The following ZC3H4 variants were observed in gnomAD, a reference collection of about 807,000 sequenced individuals.
ZC3H4 encodes zinc finger CCCH-type containing 4.
A neutral mutation model predicts 108.3 loss-of-function variants in ZC3H4; 13 were observed. That is an observed-to-expected ratio of 0.12 (90% CI 0.08 to 0.19). The LOEUF (loss-of-function observed/expected upper bound fraction) is 0.19, where lower values mean the gene tolerates loss of function less well. ZC3H4 is among the 10% of genes least tolerant of loss of function. The pLI, the probability that ZC3H4 is intolerant of heterozygous loss-of-function variation, is 1.00. For synonymous variants in ZC3H4, 917 were observed against 749.6 expected, an observed-to-expected ratio of 1.22 and a Z score of -3.65; for missense variants, 1,734 against 1,838.8, an observed-to-expected ratio of 0.94 and a Z score of 1.04.
intron 2 of ZC3H4, among the ~76,000 whole-genome samples, chr19:47,110,343 T>C (rs1319022899): frequency 6.6e-6 from 1 of 152,108 alleles, no homozygotes; most frequent in Non-Finnish European, 1.5e-5. Context: ...AAGCAATGGA[T>C]TGAAATGGAA....
Position 47,069,253 on chromosome 19 carries a change from C to A in ZC3H4, c.2237G>T (p.Gly746Val), listed in dbSNP as rs777863512. The A allele has an allele frequency of 2.5e-6, 4 of 1,613,744 alleles. No individual in the cohort carries two copies. The highest frequency in any genetic ancestry group is 3.4e-6 in the Non-Finnish European group (4 of 1,179,944). Residue 746 changes from glycine to valine, a missense_variant, in exon 14 of 15, where the codon GGA becomes GTA. By Grantham distance (109) the Gly-to-Val change is moderately radical. This residue lies in a region of ZC3H4 where 540 missense variants were observed against 484.1 expected (regional missense o/e 1.12). Transcript: ENST00000253048. The part of the protein sequence containing the change: ...HPLEPDSFSE[G>V]GPPGRPKPGA... ...TGGCTTCGGCCGGCCTGGGGGCCCT[C>A]CCTCAGAGAAGCTGTCGGGCTCCAG...
chr19:47,086,605 C>A, intron 5 of ZC3H4, 67 bp from the exon 6 acceptor site: 1 of 1,496,874 alleles, frequency 6.7e-7, no homozygotes, highest in Non-Finnish European at 8.8e-7. Context: ...AGAAGACAAC[C>A]CACATTTTGC....
intron 14 of ZC3H4, among the ~76,000 whole-genome samples, chr19:47,068,726 C>T (rs2057266992): frequency 6.6e-6 from 1 of 152,206 alleles, no homozygotes; most frequent in Admixed American, 6.5e-5. Context: ...CAATGACTAG[C>T]TCTTGTTTGT....
intron 2 of ZC3H4, among the ~76,000 whole-genome samples, chr19:47,099,925 C>A (rs537672893): frequency 1.3e-5 from 2 of 151,514 alleles, no homozygotes; most frequent in South Asian, 4.2e-4. Context: ...TGATAAGAGG[C>A]GGCTAGGTTA....
chr19:47,076,197 T>A (rs1020211207), intron 11 of ZC3H4, among the ~76,000 whole-genome samples: 1 of 152,184 alleles, frequency 6.6e-6, no homozygotes, highest in African/African-American at 2.4e-5. Context: ...ACACAGATCA[T>A]CCGCTCAGTG....
chr19:47,085,116 T>C lies in ZC3H4; in HGVS notation c.1047A>G (p.Arg349=). The change falls in exon 8 of 15, where the codon CGA becomes CGG. Residue 349 remains arginine (R), a synonymous_variant. Transcript: ENST00000253048. Reference sequence around the variant, plus strand: ...TCATTCCGCCCTTGTTCATCCCTCCTCGGCTGCCACCTCGGCCTCGGCCCC... The same window carrying C: ...TCATTCCGCCCTTGTTCATCCCTCCCCGGCTGCCACCTCGGCCTCGGCCCC... The part of the protein sequence containing the change: ...MGRGRGRGGS[R]GGMNKGGMND... 2 of 1,614,202 alleles carry C rather than the reference T, an allele frequency of 1.2e-6. No homozygotes were observed. Among genetic ancestry groups the C allele is most frequent in the Non-Finnish European group, 1.7e-6 (2 of 1,180,018 alleles).
chr19:47,086,653 C>T, intron 5 of ZC3H4, 115 bp from the exon 6 acceptor site: 1 of 1,341,708 alleles, frequency 7.5e-7, no homozygotes, highest in Non-Finnish European at 9.7e-7. Flanking sequence ...CCTCCTCCTT[C>T]TCCTCCTCCT....
Position 47,094,498 on chromosome 19 carries a change from T to C in ZC3H4, c.272A>G (p.His91Arg), listed in dbSNP as rs768059500. 17 of 1,614,134 alleles carry C rather than the reference T, an allele frequency of 1.1e-5. No individual in the cohort carries two copies. Among genetic ancestry groups the C allele is most frequent in the Middle Eastern group, 1.6e-4 (1 of 6,084 alleles). Residue 91 changes from histidine (H) to arginine (R), a missense_variant, in exon 3 of 15, where the codon CAC becomes CGC. This residue lies in a region of ZC3H4 where 403 missense variants were observed against 457.0 expected (regional missense o/e 0.88). Transcript: ENST00000253048. ...GGACTTCTCCTCATCCGAATCACTG[T>C]GATGCTTCTCCCCCTTTTCTTTCCG... Reference protein sequence around the residue: ...RSRKEKGEKHHSDSDEEKSHR... With the variant: ...RSRKEKGEKHRSDSDEEKSHR...
At chr19:47,081,307 T>C (rs2057517769) in intron 11 of ZC3H4, among the ~76,000 whole-genome samples, 1 of 152,188 alleles carries the variant, frequency 6.6e-6, no homozygotes, top group African/African-American at 2.4e-5. Flanking sequence ...CAGCAAAAGC[T>C]TGTCCTGGCC....
chr19:47,082,821 C>T (rs772865474), intron 9 of ZC3H4, among the ~76,000 whole-genome samples: 2 of 152,202 alleles, frequency 1.3e-5, no homozygotes, highest in Non-Finnish European at 2.9e-5. Flanking sequence ...CAGCTCCAGA[C>T]TCCTGGTTCT....
intron 5 of ZC3H4, among the ~76,000 whole-genome samples, chr19:47,087,061 A>C (rs545853447): frequency 6.6e-6 from 1 of 152,130 alleles, no homozygotes; most frequent in African/African-American, 2.4e-5. Flanking sequence ...AGATCACCTT[A>C]GGTCAGGAGT....
chr19:47,075,360 G>A (rs1486390464), intron 11 of ZC3H4, among the ~76,000 whole-genome samples: 1 of 152,104 alleles, frequency 6.6e-6, no homozygotes, highest in Non-Finnish European at 1.5e-5. Context: ...TTTCAACACT[G>A]CCACGGGCTC....
At chr19:47,100,123 T>C (rs2057883506) in intron 2 of ZC3H4, among the ~76,000 whole-genome samples, 2 of 152,132 alleles carry the variant, frequency 1.3e-5, no homozygotes, top group African/African-American at 4.8e-5. Flanking sequence ...TGCGGACTAG[T>C]CGTTTATTAG....
At chr19:47,075,152 T>G (rs2057397558) in intron 11 of ZC3H4, among the ~76,000 whole-genome samples, 1 of 152,116 alleles carries the variant, frequency 6.6e-6, no homozygotes, top group African/African-American at 2.4e-5. Context: ...AGAATGTGGC[T>G]TCATGGAGGA....
chr19:47,102,770 A>C (rs1308499949), intron 2 of ZC3H4, among the ~76,000 whole-genome samples: 18 of 122,720 alleles, frequency 1.5e-4, no homozygotes, highest in Admixed American at 1.1e-3. Context: ...GAATTCTGGC[A>C]AAAAAAAAAA....
chr19:47,100,409 T>C (rs547339850), intron 2 of ZC3H4, among the ~76,000 whole-genome samples: 1 of 152,264 alleles, frequency 6.6e-6, no homozygotes, highest in East Asian at 1.9e-4. Flanking sequence ...TAGCCTGCTC[T>C]GTGACATCAT....
intron 11 of ZC3H4, among the ~76,000 whole-genome samples, chr19:47,077,605 G>C (rs2057446180): frequency 6.6e-6 from 1 of 152,110 alleles, no homozygotes; most frequent in Non-Finnish European, 1.5e-5. Context: ...CGTTATCCCA[G>C]CACTGTGGGA....
intron 2 of ZC3H4, chr19:47,110,963 A>G (rs773680262): frequency 2.7e-4 from 266 of 981,356 alleles, no homozygotes; most frequent in Non-Finnish European, 3.1e-4. Context: ...TGGTCTGTGA[A>G]GGAGAAAGGG....
chr19:47,069,141 T>C lies in ZC3H4; in HGVS notation c.2349A>G (p.Arg783=). ...IQQKQQEEEE[R]ARRLAESSKQ... is the part of the protein sequence containing the mutation. Reference sequence around the variant, plus strand: ...TGCTGCTCTCAGCCAGCCTCCTCGCTCTCTCCTCCTCCTCCTGCTGCTTCT... The same window carrying C: ...TGCTGCTCTCAGCCAGCCTCCTCGCCCTCTCCTCCTCCTCCTGCTGCTTCT... The change falls in exon 14 of 15, where the codon AGA becomes AGG. Residue 783 remains arginine (R), a synonymous_variant. Coordinates refer to ENST00000253048, the MANE Select transcript of ZC3H4 (RefSeq NM_015168.2). The C allele has an allele frequency of 6.2e-7, 1 of 1,606,522 alleles. No individual in the cohort carries two copies. Among genetic ancestry groups the C allele is most frequent in the Non-Finnish European group, 8.5e-7 (1 of 1,179,910 alleles).
Sources: gnomAD v4.1 joint callset for allele counts (sites outside exome capture counted in the v4.1 genomes callset) on GRCh38, gnomAD v4.1.1 for gene constraint, gnomAD v4.1.1 regional missense constraint, MANE v1.5 for transcripts, NCBI Gene and HGNC (gene_info 2026-07-23, HGNC 2026-07-21) for gene names.